Variants in VNN1 observed in about 807,000 individuals in gnomAD.
The protein encoded by VNN1 is pantetheinase.
VNN1 carries 29 observed loss-of-function variants against 41.9 expected under a neutral mutation model. The observed-to-expected ratio is 0.69, with a 90% CI of 0.52 to 0.94. VNN1 has a LOEUF of 0.94. Ranked by LOEUF, VNN1 falls within the 40% of genes least tolerant of loss-of-function variation. The probability of loss-of-function intolerance (pLI) is 0.00; values close to 1 mark genes in which losing one functional copy is unlikely to be tolerated. For synonymous variants in VNN1, 233 were observed against 224.4 expected (o/e 1.04, Z -0.34); for missense variants, 637 against 621.1 (o/e 1.03, Z -0.27).
At chr6:132,707,542 G>A (rs965281621) in intron 2 of VNN1, among the ~76,000 whole-genome samples, 2 of 152,122 alleles carry the variant, frequency 1.3e-5, no homozygotes, top group African/African-American at 2.4e-5. Context: ...GGAAACAACC[G>A]TGTGGTACAT....
In VNN1 at chr6:132,684,593, A is replaced by C. The variant is rs1433641599; in HGVS notation, c.1189-88T>G. On this transcript the variant is annotated intron_variant, in intron 5 of 6. Coordinates refer to ENST00000367928, the MANE Select transcript of VNN1 (RefSeq NM_004666.3). ...GATTTAATCATTTCACGGTGTGTAC[A>C]CATATCAAAACGTCACATCATACAC... The C allele has an allele frequency of 3.1e-6, 4 of 1,306,416 alleles. No individual in the cohort carries two copies. In the African/African-American group the frequency reaches 4.4e-5, roughly 14 times the overall value. 80.9% of individuals were successfully genotyped at this position (1,306,416 alleles called of 1,614,324 possible). A position where few individuals can be genotyped will look rare whatever the true frequency, so the allele number is the denominator to read the frequency against.
rs192335034 is a variant in VNN1 at position 132,693,277 on chromosome 6, G to A, written c.573C>T (p.Pro191=). Reference sequence around the variant, plus strand: ...TGAAAGTCACAATCTCAGGCTCCTTGGGTACATTGAATTGATTTTCACCCA... The same window carrying A: ...TGAAAGTCACAATCTCAGGCTCCTTAGGTACATTGAATTGATTTTCACCCA... ...LFMGENQFNV[P]KEPEIVTFNT... is the part of the protein sequence containing the mutation. Residue 191 remains proline (P), a synonymous_variant, in exon 4 of 7, where the codon CCC becomes CCT. Coordinates refer to ENST00000367928, the MANE Select transcript of VNN1 (RefSeq NM_004666.3). 24 of 1,612,062 alleles carry A rather than the reference G, an allele frequency of 1.5e-5. No individual in the cohort carries two copies. In the Admixed American group the frequency reaches 3.4e-4, roughly 23 times the overall value.
intron 3 of VNN1, among the ~76,000 whole-genome samples, chr6:132,693,523 A>G (rs1778322702): frequency 6.6e-6 from 1 of 152,216 alleles, no homozygotes; most frequent in Non-Finnish European, 1.5e-5. Flanking sequence ...AAATATGTAC[A>G]TGGGTATCTT....
At chr6:132,711,105 G>A (rs1778592497) in intron 2 of VNN1, among the ~76,000 whole-genome samples, 2 of 152,288 alleles carry the variant, frequency 1.3e-5, no homozygotes, top group African/African-American at 4.8e-5. Context: ...TCCAAAAGAG[G>A]AATTCCTAAA....
In VNN1 at chr6:132,683,300, A is replaced by G. The variant is rs1470062661; in HGVS notation, c.1382T>C (p.Phe461Ser). 1.1e-5 allele frequency: 18 copies of G among 1,613,620 alleles called. No individual in the cohort carries two copies. The highest frequency in any genetic ancestry group is 1.4e-5 in the Non-Finnish European group (16 of 1,179,908). The change falls in exon 7 of 7, where the codon TTT becomes TCT. Residue 461 changes from phenylalanine to serine, a missense_variant. Transcript: ENST00000367928. Reference sequence around the variant, plus strand: ...AGGTCCGGATGTTGGCTTCAGACTAAACAAGCGTCCGTCAGTTGACACCTG... The same window carrying G: ...AGGTCCGGATGTTGGCTTCAGACTAGACAAGCGTCCGTCAGTTGACACCTG... ...EFQVSTDGRL[F>S]SLKPTSGPVL...
chr6:132,690,041 T>C (rs1240689608), intron 5 of VNN1, among the ~76,000 whole-genome samples: 1 of 152,214 alleles, frequency 6.6e-6, no homozygotes, highest in African/African-American at 2.4e-5. Context: ...GAGTTCCATT[T>C]TCTAAATATG....
At chr6:132,708,587 A>G (rs954918949) in intron 2 of VNN1, among the ~76,000 whole-genome samples, 8 of 152,200 alleles carry the variant, frequency 5.3e-5, no homozygotes, top group South Asian at 2.1e-4. Flanking sequence ...ATCTGATTCT[A>G]TGAGAGCAGG....
In VNN1 at chr6:132,694,097, T is replaced by A. The variant is rs749496037; in HGVS notation, c.427A>T (p.Lys143Ter). The A allele has an allele frequency of 5.0e-6, 8 of 1,614,010 alleles. No individual in the cohort carries two copies. Among genetic ancestry groups the A allele is most frequent in the Non-Finnish European group, 6.8e-6 (8 of 1,180,032 alleles). Reference protein sequence around the residue: ...IYVVANIGDKKPCDTSDPQCP... With the variant: ...IYVVANIGDK ...TGAGGATCACTGGTATCGCATGGCT[T>A]CTTGTCCCCAATATTTGCCACAACA... The change falls in exon 3 of 7, where the codon AAG becomes TAG. Residue 143 changes from lysine (K) to a stop codon, truncating the protein, a stop_gained. Transcript: ENST00000367928. LOFTEE classifies it high-confidence loss of function.
intron 1 of VNN1, among the ~76,000 whole-genome samples, chr6:132,713,299 A>G (rs1562222639): frequency 6.6e-6 from 1 of 152,210 alleles, no homozygotes; most frequent in Non-Finnish European, 1.5e-5. Context: ...TCAAACTGAA[A>G]CCTTCACTAA....
chr6:132,705,196 C>T (rs904760134), intron 2 of VNN1, among the ~76,000 whole-genome samples: 18 of 152,108 alleles, frequency 1.2e-4, no homozygotes, highest in Middle Eastern at 3.4e-3. Context: ...TTATACTATA[C>T]CAAAACCAGG....
At chr6:132,684,629 T>C (rs1231105776) in intron 5 of VNN1, 124 bp from the exon 6 acceptor site, 22 of 742,528 alleles carry the variant, frequency 3.0e-5, no homozygotes, top group Non-Finnish European at 4.1e-5. Flanking sequence ...TGTAAAGATA[T>C]ACAATTTTCA....
At chr6:132,712,789 A>G (rs192648446) in intron 1 of VNN1, among the ~76,000 whole-genome samples, 1 of 152,162 alleles carries the variant, frequency 6.6e-6, no homozygotes. Flanking sequence ...TAGTTGGACT[A>G]AGGATGAAAA....
intron 2 of VNN1, among the ~76,000 whole-genome samples, chr6:132,709,269 C>A (rs1778562976): frequency 6.6e-6 from 1 of 152,056 alleles, no homozygotes; most frequent in Non-Finnish European, 1.5e-5. Flanking sequence ...CCTCCCCACA[C>A]TAGAATATAA....
At chr6:132,700,283 A>G (rs1015108526) in intron 2 of VNN1, among the ~76,000 whole-genome samples, 1 of 150,460 alleles carries the variant, frequency 6.6e-6, no homozygotes, top group Admixed American at 6.7e-5. Flanking sequence ...TGCATATATG[A>G]TATATACTTG....
At chr6:132,702,732 C>G (rs558519454) in intron 2 of VNN1, among the ~76,000 whole-genome samples, 1 of 152,200 alleles carries the variant, frequency 6.6e-6, no homozygotes, top group Non-Finnish European at 1.5e-5. Context: ...AACCCAGGCC[C>G]TAGCTCCCTG....
rs45558340 is a variant in VNN1, at chr6:132,682,783, C to T, written c.*357G>A. Reference sequence around the variant, plus strand: ...TTTCAGCAGAGCTGAATAAGTGATACGTAATATAATAAAAGTGGTAACAAG... The same window carrying T: ...TTTCAGCAGAGCTGAATAAGTGATATGTAATATAATAAAAGTGGTAACAAG... On this transcript the variant is annotated 3_prime_UTR_variant, in exon 7 of 7. Coordinates refer to ENST00000367928, the MANE Select transcript of VNN1 (RefSeq NM_004666.3). The T allele has an allele frequency of 0.011, 1,800 of 157,524 alleles. 28 individuals carry two copies. The highest frequency in any genetic ancestry group is 0.04 in the African/African-American group (1,660 of 41,700). 9.8% of individuals were successfully genotyped at this position (157,524 alleles called of 1,614,324 possible).
chr6:132,684,522 A>T lies in VNN1; in HGVS notation c.1189-17T>A. The stretch of plus-strand genomic sequence containing the variant: ...GGTACAAATCTAGGGAAGTCATGAA[A>T]ACCAGTAAGTCATAAGAAAGTCATG... On this transcript the variant is annotated splice_polypyrimidine_tract_variant and intron_variant, in intron 5 of 6. Transcript: ENST00000367928. 1 of 1,613,286 alleles carries T rather than the reference A, an allele frequency of 6.2e-7. No homozygotes were observed.
intron 2 of VNN1, among the ~76,000 whole-genome samples, chr6:132,708,926 C>T (rs112121096): frequency 1.0e-3 from 152 of 152,276 alleles, no homozygotes; most frequent in African/African-American, 3.4e-3. Flanking sequence ...AGGTTAGACA[C>T]ATACTCTGAC....
rs114951677 is a variant in VNN1, at chr6:132,709,686, G to A, written c.341+2023C>T. ...CAAAAAAAAAAAAAAGAGAGAGAGA[G>A]ACAGAGAGAATTAAGGCAAGACATT... On this transcript the variant is annotated intron_variant, in intron 2 of 6. Transcript: ENST00000367928. Among the ~76,000 whole-genome samples the A allele has an allele frequency of 6.2e-3, 938 of 151,474 alleles. 12 individuals carry two copies. Among genetic ancestry groups the A allele is most frequent in the African/African-American group, 0.022 (892 of 41,268 alleles).
Sources: allele counts gnomAD v4.1 joint callset (sites outside exome capture counted in the v4.1 genomes callset), GRCh38; gene constraint gnomAD v4.1.1; transcripts MANE v1.5; gene names NCBI Gene and HGNC (gene_info 2026-07-23, HGNC 2026-07-21).